AKAP6: variants seen among roughly 807,000 people sequenced by gnomAD.
AKAP6 encodes A-kinase anchoring protein 6.
Under a neutral mutation model 188.5 loss-of-function variants are expected in AKAP6, and 58 were observed. That is an observed-to-expected ratio of 0.31 (90% CI 0.25 to 0.38). The LOEUF (loss-of-function observed/expected upper bound fraction) is 0.38. AKAP6 is among the 10% of genes least tolerant of loss of function. AKAP6 has a pLI of 1.00. For missense variants in AKAP6, 2,710 were observed against 2,740.0 expected (o/e 0.99, Z 0.24); for synonymous variants, 989 against 998.6 (o/e 0.99, Z 0.18).
At chr14:32,545,191 T>C (rs555025983) in intron 3 of AKAP6, 39 bp from the exon 4 acceptor site, 2 of 1,555,100 alleles carry the variant, frequency 1.3e-6, no homozygotes, top group South Asian at 2.3e-5. Context: ...TTGTAATTGA[T>C]GTTGCATTTA....
chr14:32,796,988 C>G (rs773061000), intron 12 of AKAP6, among the ~76,000 whole-genome samples: 1 of 151,412 alleles, frequency 6.6e-6, no homozygotes, highest in Non-Finnish European at 1.5e-5. Flanking sequence ...GCAAAGGACT[C>G]TTCTCAAAAG....
chr14:32,779,724 G>C (rs2033183730), intron 12 of AKAP6, among the ~76,000 whole-genome samples: 1 of 152,154 alleles, frequency 6.6e-6, no homozygotes, highest in Non-Finnish European at 1.5e-5. Context: ...TTTGGGCAGA[G>C]ATTCCATTAC....
At chr14:32,610,616 C>T (rs1886312959) in intron 7 of AKAP6, among the ~76,000 whole-genome samples, 1 of 152,134 alleles carries the variant, frequency 6.6e-6, no homozygotes, top group Non-Finnish European at 1.5e-5. Flanking sequence ...TTATTTCAAT[C>T]TGATGGGCCC....
intron 1 of AKAP6, among the ~76,000 whole-genome samples, chr14:32,384,107 G>A (rs981462436): frequency 2.6e-5 from 4 of 152,144 alleles, no homozygotes; most frequent in Non-Finnish European, 4.4e-5. Context: ...TTAGCACTCT[G>A]CTAACTAAAG....
chr14:32,784,132 C>A (rs143805927), intron 12 of AKAP6, among the ~76,000 whole-genome samples: 21 of 152,188 alleles, frequency 1.4e-4, no homozygotes, highest in African/African-American at 5.1e-4. Context: ...AAGAAAAAGG[C>A]GTAAGCAAGC....
At chr14:32,644,216 T>G (rs541398438) in intron 7 of AKAP6, among the ~76,000 whole-genome samples, 1 of 152,302 alleles carries the variant, frequency 6.6e-6, no homozygotes, top group African/African-American at 2.4e-5. Context: ...CACACAGAGC[T>G]TAGTCCAAAT....
At chr14:32,421,001 A>G (rs1889830117) in intron 1 of AKAP6, among the ~76,000 whole-genome samples, 1 of 151,788 alleles carries the variant, frequency 6.6e-6, no homozygotes, top group Non-Finnish European at 1.5e-5. Flanking sequence ...TATTCTTGGT[A>G]TGAAATTCTA....
intron 1 of AKAP6, among the ~76,000 whole-genome samples, chr14:32,396,897 G>A (rs1323767794): frequency 1.3e-5 from 2 of 152,158 alleles, no homozygotes; most frequent in Non-Finnish European, 2.9e-5. Flanking sequence ...ATAAGTGTCT[G>A]CTGTGACTTG....
chr14:32,564,366 G>A (rs527846978), intron 4 of AKAP6, among the ~76,000 whole-genome samples: 1 of 152,236 alleles, frequency 6.6e-6, no homozygotes, highest in Non-Finnish European at 1.5e-5. Context: ...TTACCTAGAG[G>A]TAGATTCATT....
chr14:32,556,855 A>G (rs571385802), intron 4 of AKAP6, among the ~76,000 whole-genome samples: 10 of 150,280 alleles, frequency 6.7e-5, no homozygotes, highest in Non-Finnish European at 1.5e-4. Context: ...GTTTTTCCTC[A>G]GTGTTTTCTT....
chr14:32,388,306 T>G (rs1310861149), intron 1 of AKAP6, among the ~76,000 whole-genome samples: 1 of 152,112 alleles, frequency 6.6e-6, no homozygotes, highest in Non-Finnish European at 1.5e-5. Flanking sequence ...GCTTTTCATT[T>G]CATTTATCTT....
intron 12 of AKAP6, among the ~76,000 whole-genome samples, chr14:32,784,668 C>G (rs1474011362): frequency 6.6e-6 from 1 of 152,128 alleles, no homozygotes; most frequent in Non-Finnish European, 1.5e-5. Flanking sequence ...TGTGTTACCA[C>G]TTTTAATATG....
chr14:32,389,781 T>C (rs1036246683), intron 1 of AKAP6, among the ~76,000 whole-genome samples: 2 of 152,158 alleles, frequency 1.3e-5, no homozygotes, highest in Non-Finnish European at 2.9e-5. Flanking sequence ...CTTAAGATTC[T>C]TTCCTTTGTC....
At chr14:32,792,002 C>T (rs1364623703) in intron 12 of AKAP6, among the ~76,000 whole-genome samples, 5 of 152,084 alleles carry the variant, frequency 3.3e-5, no homozygotes, top group African/African-American at 9.7e-5. Flanking sequence ...GTACCAGTAC[C>T]ATGCTGTTTT....
intron 12 of AKAP6, among the ~76,000 whole-genome samples, chr14:32,813,398 C>CCCG (rs1555365167): frequency 1.6e-5 from 2 of 124,978 alleles, no homozygotes; most frequent in East Asian, 2.9e-4. Context: ...TACCCCCCCC[C>CCCG]CCAACCCCTT....
chr14:32,384,134 T>C (rs115716940), intron 1 of AKAP6, among the ~76,000 whole-genome samples: 269 of 152,320 alleles, frequency 1.8e-3, no homozygotes, highest in African/African-American at 6.3e-3. Flanking sequence ...GTTTGGTAAA[T>C]GCTATGATGG....
Position 32,711,896 on chromosome 14 carries a change from G to C in AKAP6, c.3000+15786G>C, listed in dbSNP as rs569924285. Among the ~76,000 whole-genome samples the C allele has an allele frequency of 4.6e-5, 7 of 152,040 alleles. No homozygotes were observed. The East Asian group carries it at 1.2e-3, about 25-fold the overall frequency. On this transcript the variant is annotated intron_variant, in intron 9 of 13. Coordinates refer to ENST00000280979, the MANE Select transcript of AKAP6 (RefSeq NM_004274.5). Reference sequence around the variant, plus strand: ...TCATTTTCTTCATCTGTAAAGTGAGGGGGGTGGACTCAGTGTCTCTCAGGT... The same window carrying C: ...TCATTTTCTTCATCTGTAAAGTGAGCGGGGTGGACTCAGTGTCTCTCAGGT...
intron 1 of AKAP6, among the ~76,000 whole-genome samples, chr14:32,354,888 T>A (rs1201181456): frequency 6.6e-6 from 1 of 152,194 alleles, no homozygotes; most frequent in East Asian, 1.9e-4. Context: ...GGAGTTGCCC[T>A]CCTCTGTGGA....
chr14:32,457,209 T>A (rs1441585112), intron 2 of AKAP6, among the ~76,000 whole-genome samples: 1 of 152,188 alleles, frequency 6.6e-6, no homozygotes, highest in Non-Finnish European at 1.5e-5. Context: ...GGACTACTAC[T>A]GAGTGGTATC....
Sources: allele counts gnomAD v4.1 joint callset (sites outside exome capture counted in the v4.1 genomes callset), GRCh38; gene constraint gnomAD v4.1.1; transcripts MANE v1.5; gene names NCBI Gene and HGNC (gene_info 2026-07-23, HGNC 2026-07-21).